The following SLC66A2 variants were observed in gnomAD, a reference collection of about 807,000 sequenced individuals.
The protein encoded by SLC66A2 is PQ loop repeat containing 1.
A neutral mutation model predicts 25.5 loss-of-function variants in SLC66A2; 23 were observed. The ratio of observed to expected loss-of-function variants is 0.90; its 90% CI spans 0.65 to 1.28. SLC66A2 has a LOEUF of 1.28. SLC66A2 is among the 50% of genes most tolerant of loss of function. The pLI, the probability that SLC66A2 is intolerant of heterozygous loss-of-function variation, is 0.00. For missense variants in SLC66A2, 396 were observed against 373.1 expected (o/e 1.06, Z -0.51); for synonymous variants, 193 against 166.5 (o/e 1.16, Z -1.23).
chr18:79,919,225 C>G lies in SLC66A2; in HGVS notation c.567G>C (p.Gln189His). 1 of 1,613,174 alleles carries G rather than the reference C, an allele frequency of 6.2e-7. No homozygotes were observed. Among genetic ancestry groups the G allele is most frequent in the East Asian group, 2.2e-5 (1 of 44,886 alleles). ...ACTGGTGGCGGTGGTTGCGGTAAAG[C>G]TGGGGCACACCCAGCATGGCTTCGG... ...VLTEAMLGVP[Q>H]LYRNHRHQST... The change falls in exon 5 of 6, where the codon CAG becomes CAC. Residue 189 changes from glutamine to histidine, a missense_variant. Transcript: ENST00000397778.
intron 4 of SLC66A2, among the ~76,000 whole-genome samples, chr18:79,931,574 C>T (rs932218199): frequency 2.0e-5 from 3 of 152,322 alleles, no homozygotes; most frequent in South Asian, 2.1e-4. Context: ...TAGTAATGGA[C>T]GTAACAACTA....
chr18:79,924,306 G>T (rs1206024160), intron 4 of SLC66A2, among the ~76,000 whole-genome samples: 1 of 152,180 alleles, frequency 6.6e-6, no homozygotes, highest in Non-Finnish European at 1.5e-5. Flanking sequence ...CTTGAAACAG[G>T]ACACCAAGTG....
chr18:79,943,587 A>C (rs1599653422), intron 2 of SLC66A2, 125 bp from the exon 3 acceptor site: 1 of 1,160,716 alleles, frequency 8.6e-7, no homozygotes, highest in East Asian at 2.5e-5. Context: ...CCAGTCCTGA[A>C]CCTGCAGCCG....
At chr18:79,926,446 C>T (rs1178537436) in intron 4 of SLC66A2, among the ~76,000 whole-genome samples, 3 of 152,070 alleles carry the variant, frequency 2.0e-5, no homozygotes, top group East Asian at 1.9e-4. Context: ...GAACACTGAA[C>T]GGAGAACTGC....
intron 2 of SLC66A2, among the ~76,000 whole-genome samples, chr18:79,948,065 C>T (rs546572191): frequency 1.3e-5 from 2 of 152,342 alleles, no homozygotes; most frequent in East Asian, 1.9e-4. Flanking sequence ...TGGGGCCCTG[C>T]GTGTGCACTC....
In SLC66A2 at chr18:79,908,318, A is replaced by AT. The variant is rs34140305; in HGVS notation, c.609-4136dup. Among the ~76,000 whole-genome samples the AT allele has an allele frequency of 2.0e-3, 299 of 147,312 alleles. 2 individuals are homozygous for AT. Among genetic ancestry groups the AT allele is most frequent in the African/African-American group, 4.5e-3 (181 of 40,136 alleles). On this transcript the variant is annotated intron_variant, in intron 5 of 5. Transcript: ENST00000397778. ...TTATTTTGCCTTGATTCCTAAAGGA[A>AT]TTTTTTTTTTTTTCCTGAATATAGA... is the stretch of plus-strand genomic sequence containing the variant.
Position 79,927,367 on chromosome 18 carries a change from G to C in SLC66A2, c.391+6602C>G, listed in dbSNP as rs1986077785. On this transcript the variant is annotated intron_variant, in intron 4 of 5. Transcript: ENST00000397778. The surrounding 1 kb of genome is among the most constrained non-coding windows in gnomAD (Gnocchi z 6.2). ...CATCTGGAGGGACCTGAGGGGCACA[G>C]GCTACAGTCAGGAGAGCACAGACAA... 6.6e-6 allele frequency among the ~76,000 whole-genome samples: 1 copy of C among 151,954 alleles called. No individual in the cohort carries two copies. Among genetic ancestry groups the C allele is most frequent in the African/African-American group, 2.4e-5 (1 of 41,246 alleles).
At position 79,917,756 on chromosome 18, in the gene SLC66A2, G is replaced by A. The variant is rs962518634; in HGVS notation, c.608+1428C>T. Among the ~76,000 whole-genome samples the A allele has an allele frequency of 6.6e-6, 1 of 151,768 alleles. No individual in the cohort carries two copies. Among genetic ancestry groups the A allele is most frequent in the African/African-American group, 2.4e-5 (1 of 41,254 alleles). On this transcript the variant is annotated intron_variant, in intron 5 of 5. Coordinates refer to ENST00000397778, the MANE Select transcript of SLC66A2 (RefSeq NM_025078.5). This position sits in a 1 kb window ranked among gnomAD's most constrained non-coding sequence, Gnocchi z 6.0. ...CTCGGGCCTCCATGCACCCTCGCCC[G>A]AGAAACCCCAGCAACCCCCCTGGTC...
chr18:79,944,789 A>G (rs892337138), intron 2 of SLC66A2: 6 of 152,578 alleles, frequency 3.9e-5, no homozygotes, highest in African/African-American at 1.4e-4. Flanking sequence ...ACCTAGCAAC[A>G]ACCACCACAG....
intron 5 of SLC66A2, among the ~76,000 whole-genome samples, chr18:79,913,074 G>A (rs1410590745): frequency 6.6e-6 from 1 of 152,168 alleles, no homozygotes; most frequent in Non-Finnish European, 1.5e-5. Flanking sequence ...GCTGGACAGG[G>A]GCAGCCCCAA....
At chr18:79,922,680 G>A (rs1191555756) in intron 4 of SLC66A2, among the ~76,000 whole-genome samples, 1 of 151,932 alleles carries the variant, frequency 6.6e-6, no homozygotes, top group African/African-American at 2.4e-5. Flanking sequence ...GGGAAAAGGT[G>A]AACGGAGACA....
At chr18:79,933,838 G>A (rs906070412) in intron 4 of SLC66A2, 131 bp downstream of exon 4, 41 of 745,872 alleles carry the variant, frequency 5.5e-5, no homozygotes, top group Non-Finnish European at 6.0e-5. Flanking sequence ...TTAGTTTGCT[G>A]TAGACTCGGC....
chr18:79,927,900 A>G lies in SLC66A2; in HGVS notation c.391+6069T>C, dbSNP rs1042830048. ...AACAGCTGCTGAGACACATTCCTGCAGCCGCCTCAGCTAGAGCCAGGGAGG... is the reference window on the plus strand; with the variant it reads ...AACAGCTGCTGAGACACATTCCTGCGGCCGCCTCAGCTAGAGCCAGGGAGG... On this transcript the variant is annotated intron_variant, in intron 4 of 5. Coordinates refer to ENST00000397778, the MANE Select transcript of SLC66A2 (RefSeq NM_025078.5). This position sits in a 1 kb window ranked among gnomAD's most constrained non-coding sequence, Gnocchi z 6.2. 1.3e-5 allele frequency among the ~76,000 whole-genome samples: 2 copies of G among 152,244 alleles called. No individual in the cohort carries two copies. The highest frequency in any genetic ancestry group is 6.5e-5 in the Admixed American group (1 of 15,286).
In SLC66A2 at chr18:79,951,585, G is replaced by A. The variant is rs541763370; in HGVS notation, c.-104C>T. On this transcript the variant is annotated 5_prime_UTR_variant, in exon 1 of 6. Coordinates refer to ENST00000397778, the MANE Select transcript of SLC66A2 (RefSeq NM_025078.5). The stretch of plus-strand genomic sequence containing the variant: ...CGCCGCCCCCGCGCTCCTTACCTGC[G>A]CCCCCAGCCCCGCGCCCAGCGCCCC... The A allele has an allele frequency of 2.3e-3, 341 of 151,420 alleles. No homozygotes were observed. The highest frequency in any genetic ancestry group is 8.1e-3 in the African/African-American group (333 of 41,298). 9.4% of individuals were successfully genotyped at this position (151,420 alleles called of 1,614,324 possible).
intron 4 of SLC66A2, among the ~76,000 whole-genome samples, chr18:79,924,472 G>C (rs1985688104): frequency 6.6e-6 from 1 of 152,160 alleles, no homozygotes; most frequent in Admixed American, 6.5e-5. Flanking sequence ...GGTTTCTTTG[G>C]GGGTGATGAA....
At chr18:79,909,902 T>C (rs1218312349) in intron 5 of SLC66A2, among the ~76,000 whole-genome samples, 14 of 54,186 alleles carry the variant, frequency 2.6e-4, no homozygotes, top group Admixed American at 4.5e-4. Flanking sequence ...ACCCTCACCA[T>C]AGAGTCCCCA....
chr18:79,931,891 C>G (rs1381999704), intron 4 of SLC66A2, among the ~76,000 whole-genome samples: 1 of 152,096 alleles, frequency 6.6e-6, no homozygotes, highest in Admixed American at 6.5e-5. Flanking sequence ...GTGGCACACA[C>G]CTATAGTCCC....
intron 5 of SLC66A2, among the ~76,000 whole-genome samples, chr18:79,912,371 C>T (rs1287722090): frequency 6.6e-6 from 1 of 152,140 alleles, no homozygotes; most frequent in Non-Finnish European, 1.5e-5. Context: ...GAAGAGCAAA[C>T]GTGGCAAATC....
At chr18:79,913,123 G>A (rs1225540736) in intron 5 of SLC66A2, among the ~76,000 whole-genome samples, 1 of 152,160 alleles carries the variant, frequency 6.6e-6, no homozygotes, top group Non-Finnish European at 1.5e-5. Flanking sequence ...TCTCCTTGCG[G>A]GGCGGCCTGA....
Sources: allele counts gnomAD v4.1 joint callset (sites outside exome capture counted in the v4.1 genomes callset), GRCh38; gene constraint gnomAD v4.1.1; non-coding constraint Gnocchi (gnomAD v3.1); transcripts MANE v1.5; gene names NCBI Gene and HGNC (gene_info 2026-07-23, HGNC 2026-07-21).